Variants in GIGYF2 observed in about 807,000 individuals in gnomAD.
GIGYF2 encodes the protein GRB10-interacting GYF protein 2.
GIGYF2 carries 25 observed loss-of-function variants against 208.1 expected under a neutral mutation model. The ratio of observed to expected loss-of-function variants is 0.12; its 90% CI spans 0.09 to 0.17. The LOEUF (loss-of-function observed/expected upper bound fraction) is 0.17, where lower values mean the gene tolerates loss of function less well. GIGYF2 is among the 10% of genes least tolerant of loss of function. The pLI is 1.00. For missense variants in GIGYF2, 1,302 were observed against 1,579.4 expected, an observed-to-expected ratio of 0.82 and a Z score of 2.98; for synonymous variants, 534 against 543.8, an observed-to-expected ratio of 0.98 and a Z score of 0.25.
At chr2:232,750,336 A>T (rs192607653) in intron 5 of GIGYF2, among the ~76,000 whole-genome samples, 2 of 152,200 alleles carry the variant, frequency 1.3e-5, no homozygotes, top group Non-Finnish European at 2.9e-5. Context: ...GTAAAAACTG[A>T]GCCCTAGGAA....
intron 8 of GIGYF2, among the ~76,000 whole-genome samples, chr2:232,783,805 C>G (rs986475573): frequency 2.6e-5 from 4 of 152,190 alleles, no homozygotes; most frequent in African/African-American, 9.7e-5. Context: ...CCTGCCTCAG[C>G]CTCCCGAGTA....
rs1181338708 is a variant in GIGYF2, at chr2:232,836,300, A to AC, written c.2766+3207_2766+3208insC. Among the ~76,000 whole-genome samples, 3 of 19,490 alleles carry AC rather than the reference A, an allele frequency of 1.5e-4. 1 individual carries two copies. The highest frequency in any genetic ancestry group is 3.1e-4 in the African/African-American group (2 of 6,356). 12.8% of individuals were successfully genotyped at this position (19,490 alleles called of 152,430 possible). On this transcript the variant is annotated intron_variant, in intron 22 of 28. Transcript: ENST00000373563. ...TATATATATATATATATATATATAT[A>AC]TATATATATATATATATATATATAT...
At chr2:232,719,732 G>A (rs1346282933) in intron 2 of GIGYF2, among the ~76,000 whole-genome samples, 1 of 152,166 alleles carries the variant, frequency 6.6e-6, no homozygotes, top group Non-Finnish European at 1.5e-5. Context: ...TTATTTAGAA[G>A]TTGACAAAAA....
At chr2:232,809,943 G>A in intron 16 of GIGYF2, 132 bp downstream of exon 16, 1 of 697,784 alleles carries the variant, frequency 1.4e-6, no homozygotes, top group Non-Finnish European at 2.7e-6. Flanking sequence ...CCAGCTAGTG[G>A]CGTCTTGCCA....
At chr2:232,853,222 G>C (rs956871963) in intron 28 of GIGYF2, among the ~76,000 whole-genome samples, 1 of 152,160 alleles carries the variant, frequency 6.6e-6, no homozygotes, top group Non-Finnish European at 1.5e-5. Context: ...CATAAAATGG[G>C]AAAATGGGAA....
Position 232,815,985 on chromosome 2 carries a change from A to G in GIGYF2, c.2208+248A>G, listed in dbSNP as rs1331719898. ...CACATTGTTGATTATAGACACATAT[A>G]TATTTTAGGTAACATTATTCATGGT... On this transcript the variant is annotated intron_variant, in intron 19 of 28. Transcript: ENST00000373563. 4 of 478,616 alleles carry G rather than the reference A, an allele frequency of 8.4e-6. No homozygotes were observed. In the Admixed American group the frequency reaches 1.4e-4, roughly 16 times the overall value. The allele number at this position is 478,616 out of a possible 1,614,324, so 29.6% of individuals were successfully genotyped here.
rs142430059 is a variant in GIGYF2, at chr2:232,760,313, A to G, written c.380-167A>G. 9.2e-3 allele frequency: 5,673 copies of G among 617,348 alleles called. 160 individuals are homozygous for G. The highest frequency in any genetic ancestry group is 0.068 in the Admixed American group (2,687 of 39,552). 38.2% of individuals were successfully genotyped at this position (617,348 alleles called of 1,614,324 possible). ...AGCCTCTTGTGGTCCAGCTACTTCA[A>G]TGCCATTGTTGGTCTCATAAGTCAA... On this transcript the variant is annotated intron_variant, in intron 6 of 28. Transcript: ENST00000373563.
intron 14 of GIGYF2, among the ~76,000 whole-genome samples, chr2:232,797,526 T>TGTGTGTGTGTGTGTGTG (rs1553614943): frequency 6.6e-6 from 1 of 150,648 alleles, no homozygotes; most frequent in African/African-American, 2.4e-5. Context: ...TGTGTGTGTG[T>TGTGTGTGTGTGTGTGTG]TTTAACCAAA....
intron 5 of GIGYF2, among the ~76,000 whole-genome samples, chr2:232,754,151 C>G (rs578241091): frequency 1.4e-4 from 21 of 147,952 alleles, no homozygotes; most frequent in African/African-American, 4.5e-4. Context: ...GATGACAGAG[C>G]AAGACCCCGT....
chr2:232,732,529 C>T (rs1037429852), intron 2 of GIGYF2, among the ~76,000 whole-genome samples: 4 of 152,044 alleles, frequency 2.6e-5, no homozygotes, highest in African/African-American at 9.7e-5. Flanking sequence ...TAACACAACT[C>T]GCACCCAGCC....
intron 14 of GIGYF2, among the ~76,000 whole-genome samples, chr2:232,802,163 T>C (rs1288981495): frequency 2.0e-5 from 3 of 152,112 alleles, no homozygotes; most frequent in African/African-American, 7.2e-5. Flanking sequence ...AACCTGTTTT[T>C]AGAAAAAAAG....
At chr2:232,784,371 T>G (rs1323974921) in intron 8 of GIGYF2, among the ~76,000 whole-genome samples, 1 of 147,632 alleles carries the variant, frequency 6.8e-6, no homozygotes, top group East Asian at 2.0e-4. Context: ...TCTAGCTACT[T>G]ACACGAAATA....
At chr2:232,708,535 G>T (rs1282736035) in intron 2 of GIGYF2, among the ~76,000 whole-genome samples, 2 of 152,066 alleles carry the variant, frequency 1.3e-5, no homozygotes, top group Non-Finnish European at 2.9e-5. Context: ...AGAGATGTGG[G>T]TTTGATCTTT....
At chr2:232,835,483 T>C (rs1559159681) in intron 22 of GIGYF2, among the ~76,000 whole-genome samples, 1 of 152,132 alleles carries the variant, frequency 6.6e-6, no homozygotes, top group Non-Finnish European at 1.5e-5. Flanking sequence ...TTTTGTTGCC[T>C]GCTTTTTTCC....
chr2:232,727,869 T>TA lies in GIGYF2; in HGVS notation c.-43-7285dup, dbSNP rs370979436. Among the ~76,000 whole-genome samples the TA allele has an allele frequency of 8.3e-4, 127 of 152,356 alleles. 1 individual carries two copies. The highest frequency in any genetic ancestry group is 2.5e-3 in the African/African-American group (106 of 41,584). The stretch of plus-strand genomic sequence containing the variant: ...CTTCCTCAGTCAAGCACCTTGCACT[T>TA]ACTTTGTTCAAAACCATCCTCGTTA... On this transcript the variant is annotated intron_variant, in intron 2 of 28. Coordinates refer to ENST00000373563, the MANE Select transcript of GIGYF2 (RefSeq NM_001103146.3).
intron 2 of GIGYF2, among the ~76,000 whole-genome samples, chr2:232,725,648 C>T (rs1204508717): frequency 6.6e-6 from 1 of 152,204 alleles, no homozygotes; most frequent in African/African-American, 2.4e-5. Context: ...TTATGCTTCT[C>T]ATTTTAGGAT....
chr2:232,827,914 T>C (rs1701299368), intron 21 of GIGYF2, among the ~76,000 whole-genome samples: 1 of 152,238 alleles, frequency 6.6e-6, no homozygotes, highest in Admixed American at 6.5e-5. Flanking sequence ...TGAATATTTT[T>C]GTAATTTCCA....
intron 3 of GIGYF2, among the ~76,000 whole-genome samples, chr2:232,739,016 C>G (rs1376249298): frequency 1.3e-5 from 2 of 152,044 alleles, no homozygotes; most frequent in African/African-American, 4.8e-5. Context: ...AAAATAAACA[C>G]ACTTATTCTA....
At position 232,811,310 on chromosome 2, in the gene GIGYF2, G is replaced by T; in HGVS notation, c.1965G>T (p.Gln655His). The change falls in exon 17 of 29, where the codon CAG becomes CAT. Residue 655 changes from glutamine to histidine, a missense_variant. This residue lies in a region of GIGYF2 where 701 missense variants were observed against 793.0 expected (regional missense o/e 0.88). Coordinates refer to ENST00000373563, the MANE Select transcript of GIGYF2 (RefSeq NM_001103146.3). ...CACTGTCTTCCCAGCAGCAGCAGCA[G>T]TTGGCACTTCTTCTTCAACAGTTTC... ...KAALSSQQQQ[Q>H]LALLLQQFQT... The T allele has an allele frequency of 6.2e-7, 1 of 1,612,390 alleles. No individual in the cohort carries two copies. Among genetic ancestry groups the T allele is most frequent in the Non-Finnish European group, 8.5e-7 (1 of 1,178,490 alleles).
Sources: gnomAD v4.1 joint callset for allele counts (sites outside exome capture counted in the v4.1 genomes callset) on GRCh38, gnomAD v4.1.1 for gene constraint, gnomAD v4.1.1 regional missense constraint, MANE v1.5 for transcripts, NCBI Gene and HGNC (gene_info 2026-07-23, HGNC 2026-07-21) for gene names.